The following DYNC1I1 variants were observed in gnomAD, a reference collection of about 807,000 sequenced individuals.
DYNC1I1 encodes the protein dynein cytoplasmic 1 intermediate chain 1.
DYNC1I1 carries 43 observed loss-of-function variants against 86.6 expected under a neutral mutation model. The observed-to-expected ratio is 0.50, with a 90% CI of 0.39 to 0.64. The LOEUF (loss-of-function observed/expected upper bound fraction) is 0.64, where lower values mean the gene tolerates loss of function less well. Ranked by LOEUF, DYNC1I1 falls within the 30% of genes least tolerant of loss-of-function variation. The pLI is 0.00. For synonymous variants in DYNC1I1, 262 were observed against 283.7 expected, an observed-to-expected ratio of 0.92 and a Z score of 0.77; for missense variants, 604 against 788.8, an observed-to-expected ratio of 0.77 and a Z score of 2.81.
intron 1 of DYNC1I1, among the ~76,000 whole-genome samples, chr7:95,792,650 A>G (rs1156635153): frequency 6.6e-6 from 1 of 152,166 alleles, no homozygotes; most frequent in Non-Finnish European, 1.5e-5. Flanking sequence ...ATACCATGTA[A>G]AACTTACATT....
intron 10 of DYNC1I1, among the ~76,000 whole-genome samples, chr7:96,020,115 CAG>C (rs1794507145): frequency 7.2e-6 from 1 of 138,364 alleles, no homozygotes; most frequent in African/African-American, 2.7e-5. Flanking sequence ...AAAAAAAAGA[CAG>C]AAAATAGCAA....
At chr7:95,799,199 G>A (rs1437028235) in intron 1 of DYNC1I1, among the ~76,000 whole-genome samples, 2 of 152,018 alleles carry the variant, frequency 1.3e-5, no homozygotes, top group Non-Finnish European at 2.9e-5. Flanking sequence ...CCAACATGGC[G>A]AAACCCCATC....
At chr7:95,844,452 G>A (rs1488182373) in intron 5 of DYNC1I1, among the ~76,000 whole-genome samples, 1 of 152,168 alleles carries the variant, frequency 6.6e-6, no homozygotes, top group Non-Finnish European at 1.5e-5. Flanking sequence ...GACAAAACCA[G>A]TTCACTGAGA....
At chr7:95,896,147 G>A (rs1315825854) in intron 6 of DYNC1I1, among the ~76,000 whole-genome samples, 1 of 152,206 alleles carries the variant, frequency 6.6e-6, no homozygotes, top group Non-Finnish European at 1.5e-5. Flanking sequence ...GGCAAGTCCA[G>A]ACACAGTATA....
intron 10 of DYNC1I1, among the ~76,000 whole-genome samples, chr7:96,003,896 T>G (rs1794077722): frequency 6.6e-6 from 1 of 152,214 alleles, no homozygotes; most frequent in African/African-American, 2.4e-5. Flanking sequence ...GGTCCACACT[T>G]TCTGATTTGT....
At chr7:95,992,628 T>TC (rs1244663922) in intron 9 of DYNC1I1, among the ~76,000 whole-genome samples, 1 of 152,020 alleles carries the variant, frequency 6.6e-6, no homozygotes, top group Non-Finnish European at 1.5e-5. Context: ...AATGCTAGGT[T>TC]CTTTTTTTTT....
chr7:96,109,646 A>G (rs923294523), intron 16 of DYNC1I1, among the ~76,000 whole-genome samples: 1 of 152,028 alleles, frequency 6.6e-6, no homozygotes, highest in Non-Finnish European at 1.5e-5. Context: ...TTTTCCCTAT[A>G]GGTTGTATAG....
chr7:95,944,215 G>A (rs1219714052), intron 6 of DYNC1I1, among the ~76,000 whole-genome samples: 1 of 152,152 alleles, frequency 6.6e-6, no homozygotes, highest in Admixed American at 6.5e-5. Flanking sequence ...GTGGGCAAAG[G>A]ATATGAACAG....
chr7:96,035,789 C>G, intron 13 of DYNC1I1, 37 bp downstream of exon 13: 2 of 1,602,958 alleles, frequency 1.2e-6, no homozygotes, highest in Non-Finnish European at 1.7e-6. Flanking sequence ...ACATGTTCTT[C>G]ATTTCCGAAA....
intron 5 of DYNC1I1, among the ~76,000 whole-genome samples, chr7:95,859,898 T>C (rs1409545960): frequency 6.6e-6 from 1 of 152,222 alleles, no homozygotes; most frequent in Non-Finnish European, 1.5e-5. Flanking sequence ...CTGTGCTTGC[T>C]TCCCGCTCCT....
intron 6 of DYNC1I1, among the ~76,000 whole-genome samples, chr7:95,973,505 A>G (rs923762872): frequency 6.6e-6 from 1 of 150,396 alleles, no homozygotes; most frequent in East Asian, 1.9e-4. Flanking sequence ...TGTACATACT[A>G]TAAACACAAT....
chr7:95,895,027 C>T (rs998970700), intron 6 of DYNC1I1, among the ~76,000 whole-genome samples: 4 of 152,164 alleles, frequency 2.6e-5, no homozygotes, highest in African/African-American at 9.7e-5. Flanking sequence ...ATTTGCTGAG[C>T]ATACTTCTCA....
At chr7:95,790,018 A>G in intron 1 of DYNC1I1, among the ~76,000 whole-genome samples, 1 of 152,188 alleles carries the variant, frequency 6.6e-6, no homozygotes. Context: ...GTTGCAACCC[A>G]TGTTTTAAAA....
At chr7:96,096,010 G>A (rs558174573) in intron 16 of DYNC1I1, among the ~76,000 whole-genome samples, 2 of 152,174 alleles carry the variant, frequency 1.3e-5, no homozygotes, top group South Asian at 4.2e-4. Flanking sequence ...TCATTCATGT[G>A]ACTAAGTAAG....
chr7:95,832,478 A>G (rs539017946), intron 5 of DYNC1I1, among the ~76,000 whole-genome samples: 24 of 152,056 alleles, frequency 1.6e-4, no homozygotes, highest in African/African-American at 5.8e-4. Flanking sequence ...CTTTGGATAT[A>G]TACCCAGTAA....
At chr7:95,861,823 G>C in intron 5 of DYNC1I1, among the ~76,000 whole-genome samples, 1 of 152,186 alleles carries the variant, frequency 6.6e-6, no homozygotes, top group East Asian at 1.9e-4. Context: ...AAACTTGCAG[G>C]TGATGGGGTC....
chr7:95,903,003 G>T (rs547927147), intron 6 of DYNC1I1, among the ~76,000 whole-genome samples: 72 of 152,266 alleles, frequency 4.7e-4, no homozygotes, highest in Non-Finnish European at 7.6e-4. Context: ...GCTGACTCAG[G>T]AACATCATTA....
chr7:96,053,828 G>A (rs895692752), intron 14 of DYNC1I1, among the ~76,000 whole-genome samples: 3 of 151,974 alleles, frequency 2.0e-5, no homozygotes, highest in African/African-American at 7.3e-5. Flanking sequence ...ACACAATGTG[G>A]CATGAGTAGA....
intron 6 of DYNC1I1, among the ~76,000 whole-genome samples, chr7:95,894,597 T>C (rs117521356): frequency 0.019 from 2,887 of 152,308 alleles, 47 homozygotes; most frequent in East Asian, 0.029. Flanking sequence ...GGTGCAAAAG[T>C]AATCACAGTT....
Sources: allele counts gnomAD v4.1 joint callset (sites outside exome capture counted in the v4.1 genomes callset), GRCh38; gene constraint gnomAD v4.1.1; transcripts MANE v1.5; gene names NCBI Gene and HGNC (gene_info 2026-07-23, HGNC 2026-07-21).